Variants in ACTB observed in about 807,000 individuals in gnomAD.
The protein encoded by ACTB is actin beta, also known as actin, cytoplasmic 1.
Under a neutral mutation model 30.5 loss-of-function variants are expected in ACTB, and 2 were observed. The observed-to-expected ratio is 0.07, with a 90% CI of 0.03 to 0.21. The LOEUF is 0.21. ACTB is among the 10% of genes least tolerant of loss of function. The pLI is 1.00. For synonymous variants in ACTB, 335 were observed against 217.6 expected (o/e 1.54, Z -4.75); for missense variants, 56 against 530.0 (o/e 0.11, Z 8.78).
intron 1 of ACTB, 29 bp from the exon 2 acceptor site, chr7:5,529,692 C>T (rs777387607): frequency 4.3e-6 from 7 of 1,610,702 alleles, no homozygotes; most frequent in South Asian, 3.3e-5. Flanking sequence ...GCGCTGTGAG[C>T]CGAGGTCGCC....
Position 5,529,275 on chromosome 7 carries a change from C to T in ACTB, c.249G>A (p.Glu83=). 6.2e-7 allele frequency: 1 copy of T among 1,614,066 alleles called. No homozygotes were observed. Among genetic ancestry groups the T allele is most frequent in the Non-Finnish European group, 8.5e-7 (1 of 1,180,042 alleles). ...TGTAGAAGGTGTGGTGCCAGATTTTCTCCATGTCGTCCCAGTTGGTGACGA... is the reference window on the plus strand; with the variant it reads ...TGTAGAAGGTGTGGTGCCAGATTTTTTCCATGTCGTCCCAGTTGGTGACGA... ...HGIVTNWDDM[E]KIWHHTFYNE... The change falls in exon 3 of 6, where the codon GAG becomes GAA. Residue 83 remains glutamate, a synonymous_variant. Transcript: ENST00000646664.
chr7:5,527,965 C>A (rs852424), intron 5 of ACTB, 39 bp downstream of exon 5: 1 of 1,613,308 alleles, frequency 6.2e-7, no homozygotes. Context: ...ACCCCACAGC[C>A]GACCTGCCCA....
chr7:5,529,503 C>T (rs755807467), intron 2 of ACTB, 32 bp downstream of exon 2: 4 of 1,611,858 alleles, frequency 2.5e-6, no homozygotes, highest in Non-Finnish European at 3.4e-6. Context: ...CCGCCCGCTC[C>T]CGGGGCTGCC....
intron 2 of ACTB, 37 bp downstream of exon 2, chr7:5,529,498 C>T (rs1784837276): frequency 1.2e-6 from 2 of 1,612,202 alleles, no homozygotes; most frequent in Non-Finnish European, 1.7e-6. Context: ...GCCTCCCGCC[C>T]GCTCCCGGGG....
rs374822399 is a variant in ACTB, at chr7:5,529,690, A to G, written c.-6-27T>C. On this transcript the variant is annotated intron_variant, in intron 1 of 5. Transcript: ENST00000646664. Reference sequence around the variant, plus strand: ...TGCGAGAATAGCCGGGCGCGCTGTGAGCCGAGGTCGCCCCCGCCCTGGCCA... The same window carrying G: ...TGCGAGAATAGCCGGGCGCGCTGTGGGCCGAGGTCGCCCCCGCCCTGGCCA... 4 of 1,610,704 alleles carry G rather than the reference A, an allele frequency of 2.5e-6. No individual in the cohort carries two copies. In the South Asian group the frequency reaches 3.3e-5, roughly 13 times the overall value.
chr7:5,527,880 A>C lies in ACTB; in HGVS notation c.996T>G (p.Pro332=), dbSNP rs1251537010. 2 of 1,613,990 alleles carry C rather than the reference A, an allele frequency of 1.2e-6. No homozygotes were observed. Among genetic ancestry groups the C allele is most frequent in the Non-Finnish European group, 1.7e-6 (2 of 1,179,956 alleles). ...TCCACACGGAGTACTTGCGCTCAGG[A>C]GGAGCAATGATCTGAGGAGGGAAGG... ...PSTMKIKIIA[P]PERKYSVWIG... is the part of the protein sequence containing the mutation. The change falls in exon 6 of 6, where the codon CCT becomes CCG. Residue 332 remains proline, a synonymous_variant. Coordinates refer to ENST00000646664, the MANE Select transcript of ACTB (RefSeq NM_001101.5).
At chr7:5,529,921 G>GTCGC (rs1264481117) in intron 1 of ACTB, 1 of 420,314 alleles carries the variant, frequency 2.4e-6, no homozygotes, top group Non-Finnish European at 4.2e-6. Context: ...ACAGCGCCGG[G>GTCGC]TCGGCGCGCG....
Position 5,527,522 on chromosome 7 carries a change from T to A in ACTB, c.*226A>T. The A allele has an allele frequency of 1.5e-6, 1 of 677,434 alleles. No individual in the cohort carries two copies. The allele number at this position is 677,434 out of a possible 1,614,324, so 42.0% of individuals were successfully genotyped here. ...AATGACTATTAAAAAAACAACAATG[T>A]GCAATCAAAGTCCTCGGCCACATTG... On this transcript the variant is annotated 3_prime_UTR_variant, in exon 6 of 6. Coordinates refer to ENST00000646664, the MANE Select transcript of ACTB (RefSeq NM_001101.5).
At position 5,527,443 on chromosome 7, in the gene ACTB, G is replaced by C. The variant is rs1784787919; in HGVS notation, c.*305C>G. 2.1e-6 allele frequency: 1 copy of C among 481,054 alleles called. No homozygotes were observed. The highest frequency in any genetic ancestry group is 2.0e-5 in the African/African-American group (1 of 51,186). 29.8% of individuals were successfully genotyped at this position (481,054 alleles called of 1,614,324 possible). A position where few individuals can be genotyped will look rare whatever the true frequency, so the allele number is the denominator to read the frequency against. On this transcript the variant is annotated 3_prime_UTR_variant, in exon 6 of 6. Coordinates refer to ENST00000646664, the MANE Select transcript of ACTB (RefSeq NM_001101.5). ...GGGCCATTCTCCTTAGAGAGAAGTG[G>C]GGTGGCTTTTAGGATGGCAAGGGAC...
At chr7:5,528,968 A>G in intron 3 of ACTB, 193 bp downstream of exon 3, 2 of 1,560,662 alleles carry the variant, frequency 1.3e-6, no homozygotes, top group Non-Finnish European at 1.7e-6. Flanking sequence ...ACACCTAGTC[A>G]GAGAGACAAA....
chr7:5,530,181 G>T (rs577921405), intron 1 of ACTB, among the ~76,000 whole-genome samples: 2 of 152,104 alleles, frequency 1.3e-5, no homozygotes, highest in East Asian at 3.9e-4. Flanking sequence ...GCGCAATGGC[G>T]CCCCAGCCCC....
Position 5,529,687 on chromosome 7 carries a change from G to A in ACTB, c.-6-24C>T, listed in dbSNP as rs764927524. 5.0e-6 allele frequency: 8 copies of A among 1,611,086 alleles called. No homozygotes were observed. The South Asian group carries it at 8.8e-5, about 18-fold the overall frequency. On this transcript the variant is annotated intron_variant, in intron 1 of 5. Transcript: ENST00000646664. The stretch of plus-strand genomic sequence containing the variant: ...AGCTGCGAGAATAGCCGGGCGCGCT[G>A]TGAGCCGAGGTCGCCCCCGCCCTGG...
intron 1 of ACTB, 111 bp from the exon 2 acceptor site, chr7:5,529,774 G>C: frequency 2.6e-6 from 4 of 1,539,124 alleles, no homozygotes; most frequent in Non-Finnish European, 3.6e-6. Context: ...CCAGATTGGG[G>C]ACAAAGGAAG....
intron 3 of ACTB, 154 bp downstream of exon 3, chr7:5,529,007 A>T (rs1296752654): frequency 6.2e-7 from 1 of 1,605,752 alleles, no homozygotes; most frequent in Non-Finnish European, 8.5e-7. Flanking sequence ...TCTGGGAAAA[A>T]GCAAATAGAA....
chr7:5,528,217 C>T, intron 4 of ACTB, 32 bp from the exon 5 acceptor site: 1 of 1,613,882 alleles, frequency 6.2e-7, no homozygotes, highest in Non-Finnish European at 8.5e-7. Flanking sequence ...GACTTAGCTT[C>T]CACAGCACAG....
In ACTB at chr7:5,528,140, A is replaced by T; in HGVS notation, c.848T>A (p.Met283Lys). ...TTTGCGGATGTCCACGTCACACTTC[A>T]TGATGGAGTTGAAGGTAGTTTCGTG... ...GIHETTFNSI[M>K]KCDVDIRKDL... Residue 283 changes from methionine (M) to lysine (K), a missense_variant, in exon 5 of 6, where the codon ATG becomes AAG. Met to Lys is a moderately conservative substitution (Grantham distance 95). This residue lies in a region of ACTB where 32 missense variants were observed against 288.4 expected (regional missense o/e 0.11). Transcript: ENST00000646664. 6.2e-7 allele frequency: 1 copy of T among 1,614,182 alleles called. No homozygotes were observed.
intron 1 of ACTB, chr7:5,529,942 G>T (rs1203117820): frequency 3.0e-6 from 1 of 329,440 alleles, no homozygotes; most frequent in Middle Eastern, 9.7e-4. Context: ...CGCACGCAGC[G>T]GCCACACCCT....
Position 5,530,532 on chromosome 7 carries a change from G to C in ACTB, c.-15C>G, listed in dbSNP as rs939171926. ...CGGCTGGCCGGGCTTACCTGGCGGC[G>C]GGTGTGGACGGGCGGCGGATCGGCA... On this transcript the variant is annotated 5_prime_UTR_variant, in exon 1 of 6. Coordinates refer to ENST00000646664, the MANE Select transcript of ACTB (RefSeq NM_001101.5). 2 of 152,252 alleles carry C rather than the reference G, an allele frequency of 1.3e-5. No homozygotes were observed. Among genetic ancestry groups the C allele is most frequent in the Non-Finnish European group, 1.5e-5 (1 of 68,278 alleles). The allele number at this position is 152,252 out of a possible 1,614,324, so 9.4% of individuals were successfully genotyped here.
In ACTB at chr7:5,529,368, G is replaced by T. The variant is rs142116324; in HGVS notation, c.156C>A (p.Ser52=). 1 of 1,614,060 alleles carries T rather than the reference G, an allele frequency of 6.2e-7. No homozygotes were observed. Among genetic ancestry groups the T allele is most frequent in the East Asian group, 2.2e-5 (1 of 44,888 alleles). ...GVMVGMGQKD[S]YVGDEAQSKR... ...TGCTCTGGGCCTCGTCGCCCACATA[G>T]GAATCCTTCTGACCCATGCCCACCA... is the stretch of plus-strand genomic sequence containing the variant. Residue 52 remains serine (S), a synonymous_variant, in exon 3 of 6, where the codon TCC becomes TCA. Transcript: ENST00000646664.
Sources: allele counts gnomAD v4.1 joint callset (sites outside exome capture counted in the v4.1 genomes callset), GRCh38; gene constraint gnomAD v4.1.1; regional missense constraint gnomAD v4.1.1; transcripts MANE v1.5; gene names NCBI Gene and HGNC (gene_info 2026-07-23, HGNC 2026-07-21).